Variants in C8orf34 observed in about 807,000 individuals in gnomAD.
C8orf34 encodes uncharacterized protein C8orf34.
A neutral mutation model predicts 68.3 loss-of-function variants in C8orf34; 65 were observed. The observed-to-expected ratio is 0.95, with a 90% CI of 0.78 to 1.17. C8orf34 has a LOEUF of 1.17. Ranked by LOEUF, C8orf34 falls within the 50% of genes most tolerant of loss-of-function variation. The probability of loss-of-function intolerance (pLI) is 0.00; values close to 1 mark genes in which losing one functional copy is unlikely to be tolerated. For missense variants in C8orf34, 664 were observed against 655.4 expected (o/e 1.01, Z -0.14); for synonymous variants, 244 against 241.2 (o/e 1.01, Z -0.11).
intron 12 of C8orf34, chr8:68,790,917 T>G: frequency 1.4e-6 from 1 of 697,018 alleles, no homozygotes; most frequent in Non-Finnish European, 2.6e-6. Flanking sequence ...GAAGAAAAAT[T>G]TCAATGAGTC....
intron 1 of C8orf34, among the ~76,000 whole-genome samples, chr8:68,360,049 C>A (rs183617763): frequency 6.6e-6 from 1 of 152,162 alleles, no homozygotes; most frequent in Non-Finnish European, 1.5e-5. Context: ...CAAAATAACA[C>A]AAGATGTTCC....
At chr8:68,709,106 T>C in intron 9 of C8orf34, 27 bp downstream of exon 9, 3 of 1,536,406 alleles carry the variant, frequency 2.0e-6, no homozygotes, top group Non-Finnish European at 2.7e-6. Flanking sequence ...ACAATATTTA[T>C]TGCAGTTCTA....
At chr8:68,486,843 A>G (rs1489764195) in intron 4 of C8orf34, among the ~76,000 whole-genome samples, 1 of 151,940 alleles carries the variant, frequency 6.6e-6, no homozygotes, top group Non-Finnish European at 1.5e-5. Flanking sequence ...TTCAATTCCT[A>G]TTCTTATTTT....
intron 10 of C8orf34, among the ~76,000 whole-genome samples, chr8:68,723,012 A>G (rs188116679): frequency 1.3e-5 from 2 of 152,204 alleles, no homozygotes; most frequent in East Asian, 3.9e-4. Flanking sequence ...TAGATAAGGA[A>G]ACAGAAATTC....
At chr8:68,782,429 GTC>G (rs774524372) in intron 11 of C8orf34, among the ~76,000 whole-genome samples, 2 of 110,464 alleles carry the variant, frequency 1.8e-5, no homozygotes, top group African/African-American at 4.9e-5. Context: ...AAGATTGAGT[GTC>G]TTTTTTTTTT....
At chr8:68,539,085 A>G (rs1484564346) in intron 7 of C8orf34, among the ~76,000 whole-genome samples, 1 of 152,234 alleles carries the variant, frequency 6.6e-6, no homozygotes, top group East Asian at 1.9e-4. Context: ...TGTTTGAAGC[A>G]GCACAATTTG....
chr8:68,583,536 C>A (rs1386432457), intron 7 of C8orf34, among the ~76,000 whole-genome samples: 4 of 152,030 alleles, frequency 2.6e-5, no homozygotes, highest in Non-Finnish European at 4.4e-5. Context: ...AAGTAATGAC[C>A]CAGATACCTA....
At chr8:68,706,479 G>C (rs888463645) in intron 8 of C8orf34, among the ~76,000 whole-genome samples, 3 of 151,952 alleles carry the variant, frequency 2.0e-5, no homozygotes, top group Admixed American at 6.6e-5. Context: ...CTGATACCTA[G>C]GAGAAAGAAG....
In C8orf34 at chr8:68,716,082, A is replaced by C. The variant is rs1298668946; in HGVS notation, c.1328-5279A>C. ...ACTCAGGAATGGAAAACCAAATATC[A>C]TATGTTCTCACTCATATGTGGGAGC... is the stretch of plus-strand genomic sequence containing the variant. On this transcript the variant is annotated intron_variant, in intron 9 of 13. Transcript: ENST00000518698. Among the ~76,000 whole-genome samples the C allele has an allele frequency of 2.0e-5, 3 of 152,074 alleles. No individual in the cohort carries two copies. The East Asian group carries it at 5.8e-4, about 29-fold the overall frequency.
At chr8:68,632,140 T>G (rs527636716) in intron 7 of C8orf34, among the ~76,000 whole-genome samples, 1 of 152,284 alleles carries the variant, frequency 6.6e-6, no homozygotes, top group African/African-American at 2.4e-5. Context: ...ACCAAAATTC[T>G]GATAGTGACA....
chr8:68,381,737 T>TC (rs1474041353), intron 1 of C8orf34, among the ~76,000 whole-genome samples: 4 of 2,046 alleles, frequency 2.0e-3, no homozygotes, highest in Non-Finnish European at 4.4e-3. Context: ...AGACTCCGTC[T>TC]CAAAAAAAAA....
intron 10 of C8orf34, among the ~76,000 whole-genome samples, chr8:68,744,177 T>A (rs1217577905): frequency 6.6e-6 from 1 of 152,102 alleles, no homozygotes; most frequent in Non-Finnish European, 1.5e-5. Flanking sequence ...GAGGGTCCTG[T>A]CTGTTAGAAG....
Position 68,798,234 on chromosome 8 carries a change from C to A in C8orf34, c.1549+10698C>A, listed in dbSNP as rs115982775. 1.2e-3 allele frequency among the ~76,000 whole-genome samples: 174 copies of A among 151,148 alleles called. 1 individual carries two copies. The highest frequency in any genetic ancestry group is 4.0e-3 in the African/African-American group (166 of 41,146). The stretch of plus-strand genomic sequence containing the variant: ...AAACTCCTTGAGCTCAAGTGCTCCT[C>A]CTGCCTTGGCCTTGCAAAGTGTTAG... On this transcript the variant is annotated intron_variant, in intron 12 of 13. Transcript: ENST00000518698.
chr8:68,723,802 A>G (rs980143146), intron 10 of C8orf34, among the ~76,000 whole-genome samples: 4 of 152,142 alleles, frequency 2.6e-5, no homozygotes, highest in Non-Finnish European at 4.4e-5. Flanking sequence ...ATAAAAATGC[A>G]AAGAAAAAAG....
intron 3 of C8orf34, among the ~76,000 whole-genome samples, chr8:68,456,665 T>TATATATATAAACATTATATATAA (rs1199488165): frequency 1.3e-5 from 2 of 152,248 alleles, no homozygotes; most frequent in African/African-American, 2.4e-5. Flanking sequence ...CATTATATTA[T>TATATATATAAACATTATATATAA]CAATCTTCAA....
chr8:68,775,643 T>A (rs1823493631), intron 10 of C8orf34, among the ~76,000 whole-genome samples: 1 of 152,218 alleles, frequency 6.6e-6, no homozygotes, highest in Non-Finnish European at 1.5e-5. Flanking sequence ...AAAAATATTT[T>A]TAAGTCCATG....
chr8:68,528,768 T>G (rs1815121813), intron 6 of C8orf34, among the ~76,000 whole-genome samples: 1 of 152,128 alleles, frequency 6.6e-6, no homozygotes, highest in African/African-American at 2.4e-5. Context: ...TCCCCCAATC[T>G]CCAAAACTTT....
chr8:68,700,685 G>C (rs562001819), intron 8 of C8orf34, among the ~76,000 whole-genome samples: 2 of 152,162 alleles, frequency 1.3e-5, no homozygotes, highest in East Asian at 3.9e-4. Context: ...AAATACAAGT[G>C]GTCTCATGCC....
chr8:68,688,967 A>G (rs568809644), intron 8 of C8orf34, among the ~76,000 whole-genome samples: 1 of 152,218 alleles, frequency 6.6e-6, no homozygotes, highest in East Asian at 1.9e-4. Flanking sequence ...AGTTCTGCAC[A>G]TGTATCCTGG....
Sources: gnomAD v4.1 joint callset for allele counts (sites outside exome capture counted in the v4.1 genomes callset) on GRCh38, gnomAD v4.1.1 for gene constraint, MANE v1.5 for transcripts, NCBI Gene and HGNC (gene_info 2026-07-23, HGNC 2026-07-21) for gene names.